Variants in KMT2C observed in about 807,000 individuals in gnomAD.
KMT2C encodes histone-lysine N-methyltransferase 2C.
A neutral mutation model predicts 507.9 loss-of-function variants in KMT2C; 88 were observed. That is an observed-to-expected ratio of 0.17 (90% CI 0.15 to 0.21). The LOEUF is 0.21. KMT2C is among the 10% of genes least tolerant of loss of function. The pLI is 1.00. For synonymous variants in KMT2C, 2,049 were observed against 2,080.8 expected (o/e 0.98, Z 0.42); for missense variants, 4,954 against 5,957.8 (o/e 0.83, Z 5.55).
chr7:152,383,108 A>T (rs1002145072), intron 1 of KMT2C, among the ~76,000 whole-genome samples: 39 of 152,400 alleles, frequency 2.6e-4, no homozygotes, highest in Non-Finnish European at 1.0e-4. Flanking sequence ...CTACTTTTCT[A>T]TATTTTCCAC....
chr7:152,158,921 T>A lies in KMT2C; in HGVS notation c.11612A>T (p.Asp3871Val), dbSNP rs537699118. ...AAPRSKKRKK[D>V]EEEKQAMYSS... ...GTACATAGCTTGTTTCTCCTCTTCG[T>A]CCTTTTTCCTTTTCTTTGAGCGAGG... The change falls in exon 44 of 59, where the codon GAC (aspartate) becomes GTC (valine). Residue 3871 changes from aspartate (D) to valine (V), a missense_variant. Coordinates refer to ENST00000262189, the MANE Select transcript of KMT2C (RefSeq NM_170606.3). The A allele has an allele frequency of 3.1e-6, 5 of 1,614,188 alleles. No homozygotes were observed. The highest frequency in any genetic ancestry group is 4.2e-6 in the Non-Finnish European group (5 of 1,180,024).
chr7:152,292,020 A>C (rs1433343773), intron 6 of KMT2C, among the ~76,000 whole-genome samples: 1 of 152,092 alleles, frequency 6.6e-6, no homozygotes, highest in East Asian at 1.9e-4. Context: ...CTGTGATAAA[A>C]TTTTGTTTTA....
chr7:152,181,691 A>C lies in KMT2C; in HGVS notation c.6169T>G (p.Tyr2057Asp). 6.2e-7 allele frequency: 1 copy of C among 1,614,212 alleles called. No homozygotes were observed. Among genetic ancestry groups the C allele is most frequent in the African/African-American group, 1.3e-5 (1 of 75,048 alleles). ...CTTGATGCCTGTGACACTGATCCAT[A>C]AGGATCCTGAGAGGATGGAGGAGGT... ...MQPPPSSQDP[Y>D]GSVSQASRRL... The change falls in exon 36 of 59, where the codon TAT becomes GAT. Residue 2057 changes from tyrosine (Y) to aspartate (D), a missense_variant. Tyr to Asp is a radical substitution (Grantham distance 160). Around this residue, in one of 29 missense-constraint regions of KMT2C, gnomAD observed 1,689 missense variants for 1,654.3 expected, o/e 1.02. Transcript: ENST00000262189.
chr7:152,298,990 G>A (rs1236568702), intron 6 of KMT2C, among the ~76,000 whole-genome samples: 2 of 152,024 alleles, frequency 1.3e-5, no homozygotes, highest in Non-Finnish European at 2.9e-5. Flanking sequence ...TTTAAAAACA[G>A]GTAAAAGTAA....
At chr7:152,192,270 C>A (rs962317827) in intron 31 of KMT2C, among the ~76,000 whole-genome samples, 1 of 152,094 alleles carries the variant, frequency 6.6e-6, no homozygotes, top group African/African-American at 2.4e-5. Flanking sequence ...GGGCTGGGCG[C>A]GGTGGCTCAC....
At chr7:152,355,554 AAAAC>A (rs575118503) in intron 2 of KMT2C, among the ~76,000 whole-genome samples, 215 of 152,198 alleles carry the variant, frequency 1.4e-3, no homozygotes, top group Middle Eastern at 0.01. Flanking sequence ...AAAAAACAAA[AAAAC>A]AAACAAACAA....
intron 55 of KMT2C, among the ~76,000 whole-genome samples, chr7:152,140,425 C>T (rs1039900291): frequency 6.6e-6 from 1 of 152,210 alleles, no homozygotes; most frequent in Non-Finnish European, 1.5e-5. Context: ...GCTCTCACTG[C>T]GCAGCTTGTA....
chr7:152,145,272 T>C lies in KMT2C; in HGVS notation c.14055A>G (p.Glu4685=). The C allele has an allele frequency of 1.9e-6, 3 of 1,614,110 alleles. No individual in the cohort carries two copies. Among genetic ancestry groups the C allele is most frequent in the African/African-American group, 2.7e-5 (2 of 75,026 alleles). The change falls in exon 54 of 59, where the codon GAA becomes GAG. Residue 4685 remains glutamate (E), a synonymous_variant. Transcript: ENST00000262189. The part of the protein sequence containing the change: ...AESLPGVEAC[E]NYTFRYGRNP... ...TTCGGCCGTATCGGAAGGTATAATTTTCACATGCCTCAACCCCAGGAAGCT... is the reference window on the plus strand; with the variant it reads ...TTCGGCCGTATCGGAAGGTATAATTCTCACATGCCTCAACCCCAGGAAGCT...
chr7:152,381,157 T>C (rs2097370139), intron 1 of KMT2C, among the ~76,000 whole-genome samples: 2 of 152,188 alleles, frequency 1.3e-5, no homozygotes, highest in African/African-American at 4.8e-5. Context: ...AATGAAAATC[T>C]GACTACTCAT....
intron 4 of KMT2C, 192 bp from the exon 5 acceptor site, chr7:152,312,138 G>A (rs569751503): frequency 5.2e-5 from 20 of 386,534 alleles, no homozygotes; most frequent in African/African-American, 2.3e-4. Context: ...ATATTATATC[G>A]TATAAGTAAC....
At chr7:152,377,734 CAAA>C (rs59181675) in intron 1 of KMT2C, among the ~76,000 whole-genome samples, 2 of 62,614 alleles carry the variant, frequency 3.2e-5, no homozygotes, top group African/African-American at 9.6e-5. Flanking sequence ...GACTCCGTCT[CAAA>C]AAAAAAAAAA....
intron 14 of KMT2C, among the ~76,000 whole-genome samples, chr7:152,239,240 T>C (rs2095339550): frequency 7.2e-5 from 11 of 152,118 alleles, no homozygotes. Context: ...AAAGGAGAAA[T>C]GGATAACCAT....
intron 1 of KMT2C, among the ~76,000 whole-genome samples, chr7:152,407,671 CAAA>C (rs11440446): frequency 5.1e-5 from 7 of 136,254 alleles, no homozygotes; most frequent in African/African-American, 1.9e-4. Flanking sequence ...GACTCTGTCT[CAAA>C]AAAAAAAAAA....
intron 23 of KMT2C, among the ~76,000 whole-genome samples, chr7:152,208,935 G>A (rs188768226): frequency 6.3e-4 from 95 of 151,946 alleles, no homozygotes; most frequent in African/African-American, 1.4e-3. Context: ...GGAGGCTAAA[G>A]CAGGTGGATC....
intron 2 of KMT2C, 81 bp downstream of exon 2, chr7:152,358,504 ATT>A (rs2097170370): frequency 1.1e-6 from 1 of 874,974 alleles, no homozygotes; most frequent in East Asian, 2.5e-5. Context: ...AACACAGAAT[ATT>A]GTTATACAAA....
chr7:152,411,913 C>G (rs2097688647), intron 1 of KMT2C, among the ~76,000 whole-genome samples: 1 of 152,174 alleles, frequency 6.6e-6, no homozygotes, highest in Non-Finnish European at 1.5e-5. Context: ...GCCAGGAAGT[C>G]AAAACTGAAA....
chr7:152,181,930 T>G lies in KMT2C; in HGVS notation c.5930A>C (p.Gln1977Pro), dbSNP rs1430448173. 8.7e-6 allele frequency: 14 copies of G among 1,614,174 alleles called. No individual in the cohort carries two copies. Among genetic ancestry groups the G allele is most frequent in the Non-Finnish European group, 1.1e-5 (13 of 1,180,026 alleles). Reference protein sequence around the residue: ...PDTPRPVMTDQFPKSLGLSRS... With the variant: ...PDTPRPVMTDPFPKSLGLSRS... ...GGATAGGCCCAAGGATTTGGGAAAT[T>G]GATCTGTCATCACAGGCCTAGGTGT... Residue 1977 changes from glutamine (Q) to proline (P), a missense_variant, in exon 36 of 59, where the codon CAA (glutamine) becomes CCA (proline). Coordinates refer to ENST00000262189, the MANE Select transcript of KMT2C (RefSeq NM_170606.3).
At chr7:152,253,141 C>T (rs2095587470) in intron 9 of KMT2C, among the ~76,000 whole-genome samples, 1 of 152,076 alleles carries the variant, frequency 6.6e-6, no homozygotes, top group African/African-American at 2.4e-5. Flanking sequence ...AGGTGTGAGC[C>T]ACTGCGCCTG....
At chr7:152,172,340 G>A (rs575710477) in intron 39 of KMT2C, among the ~76,000 whole-genome samples, 2 of 152,188 alleles carry the variant, frequency 1.3e-5, no homozygotes, top group Non-Finnish European at 2.9e-5. Flanking sequence ...CTAACCGGCA[G>A]ATGCATGATG....
Sources: gnomAD v4.1 joint callset for allele counts (sites outside exome capture counted in the v4.1 genomes callset) on GRCh38, gnomAD v4.1.1 for gene constraint, gnomAD v4.1.1 regional missense constraint, MANE v1.5 for transcripts, NCBI Gene and HGNC (gene_info 2026-07-23, HGNC 2026-07-21) for gene names.